Variants in WDR83 observed in about 807,000 individuals in gnomAD.
WDR83 encodes the protein WD repeat domain-containing protein 83.
Under a neutral mutation model 37.7 loss-of-function variants are expected in WDR83, and 37 were observed. The observed-to-expected ratio is 0.98, with a 90% CI of 0.76 to 1.29. The LOEUF (loss-of-function observed/expected upper bound fraction) is 1.29. WDR83 is among the 50% of genes most tolerant of loss of function. WDR83 has a pLI of 0.00. For synonymous variants in WDR83, 174 were observed against 181.1 expected, an observed-to-expected ratio of 0.96 and a Z score of 0.31; for missense variants, 445 against 414.4, an observed-to-expected ratio of 1.07 and a Z score of -0.64.
At chr19:12,674,984 C>T (rs1329357548) in intron 10 of WDR83, among the ~76,000 whole-genome samples, 3 of 151,984 alleles carry the variant, frequency 2.0e-5, no homozygotes, top group Non-Finnish European at 2.9e-5. Flanking sequence ...CATGGTAGCG[C>T]GTGCCTGTAA....
At chr19:12,671,758 C>T (rs964873280) in intron 7 of WDR83, among the ~76,000 whole-genome samples, 18 of 152,160 alleles carry the variant, frequency 1.2e-4, no homozygotes, top group African/African-American at 4.1e-4. Context: ...AGTGCAGTGA[C>T]GTGATCTCGG....
At position 12,668,592 on chromosome 19, in the gene WDR83, A is replaced by G; in HGVS notation, c.-72A>G. 1 of 1,614,100 alleles carries G rather than the reference A, an allele frequency of 6.2e-7. No individual in the cohort carries two copies. The highest frequency in any genetic ancestry group is 8.5e-7 in the Non-Finnish European group (1 of 1,180,008). ...GGCAAAGCTGATGAAGGAGCAGTAGACAGCGACCCAAGCACACCACTTCAG... is the reference window on the plus strand; with the variant it reads ...GGCAAAGCTGATGAAGGAGCAGTAGGCAGCGACCCAAGCACACCACTTCAG... On this transcript the variant is annotated 5_prime_UTR_variant, in exon 2 of 11. Transcript: ENST00000418543.
rs2024405067 is a variant in WDR83, at chr19:12,671,188, TGTG to T, written c.506+371_506+373del. ...ACTAAAAATGCAAAAATTAGCCAGG[TGTG>T]GTGACGGGAGCCTGTAATCCCAGCC... On this transcript the variant is annotated intron_variant, in intron 7 of 10. Coordinates refer to ENST00000418543, the MANE Select transcript of WDR83 (RefSeq NM_001099737.3). 5 of 201,532 alleles carry T rather than the reference TGTG, an allele frequency of 2.5e-5. No individual in the cohort carries two copies. In the South Asian group the frequency reaches 3.6e-4, roughly 15 times the overall value. 12.5% of individuals were successfully genotyped at this position (201,532 alleles called of 1,614,324 possible). A position where few individuals can be genotyped will look rare whatever the true frequency, so the allele number is the denominator to read the frequency against.
Position 12,672,928 on chromosome 19 carries a change from G to C in WDR83, c.574+14G>C. The stretch of plus-strand genomic sequence containing the variant: ...ACTACGTGGGCAGTGAGTGTGGCTG[G>C]GGATGTGGGACAGGCAGGGAAGATG... On this transcript the variant is annotated intron_variant, in intron 8 of 10. Transcript: ENST00000418543. 2 of 1,598,544 alleles carry C rather than the reference G, an allele frequency of 1.3e-6. No homozygotes were observed. The highest frequency in any genetic ancestry group is 1.7e-6 in the Non-Finnish European group (2 of 1,172,612).
chr19:12,670,408 G>A (rs1398001018), intron 5 of WDR83, 123 bp downstream of exon 5: 14 of 1,492,948 alleles, frequency 9.4e-6, no homozygotes, highest in Middle Eastern at 2.0e-4. Flanking sequence ...CCCCCACTCC[G>A]CATGCCAGGC....
intron 2 of WDR83, chr19:12,669,333 C>T: frequency 1.2e-6 from 2 of 1,605,480 alleles, no homozygotes; most frequent in South Asian, 1.1e-5. Context: ...GAACCCGTGC[C>T]CACGACGCTG....
rs2024463019 is a variant in WDR83, at chr19:12,672,873, A to G, written c.533A>G (p.Tyr178Cys). Residue 178 changes from tyrosine to cysteine, a missense_variant, in exon 8 of 11, where the codon TAT (tyrosine) becomes TGT (cysteine). By Grantham distance (194) the Tyr-to-Cys change is radical. Transcript: ENST00000418543. ...TCCGTGGATGGCCGCGTGAGACGCT[A>G]TGACCTAAGGATGGGGCAGCTCTTC... ...AGSVDGRVRR[Y>C]DLRMGQLFSD... 3 of 1,593,994 alleles carry G rather than the reference A, an allele frequency of 1.9e-6. No homozygotes were observed. The highest frequency in any genetic ancestry group is 2.6e-6 in the Non-Finnish European group (3 of 1,170,154).
intron 10 of WDR83, among the ~76,000 whole-genome samples, chr19:12,675,242 CA>C (rs1281597179): frequency 7.9e-5 from 12 of 152,194 alleles, no homozygotes; most frequent in African/African-American, 2.9e-4. Context: ...GCCTGGGCAA[CA>C]TGGTAAGACC....
rs1258937223 is a variant in WDR83 at position 12,672,916 on chromosome 19, T to G, written c.574+2T>G. On this transcript the variant is annotated splice_donor_variant, in intron 8 of 10. Coordinates refer to ENST00000418543, the MANE Select transcript of WDR83 (RefSeq NM_001099737.3). LOFTEE classifies it high-confidence loss of function. ...AGCTCTTCTCAGACTACGTGGGCAGTGAGTGTGGCTGGGGATGTGGGACAG... is the reference window on the plus strand; with the variant it reads ...AGCTCTTCTCAGACTACGTGGGCAGGGAGTGTGGCTGGGGATGTGGGACAG... The G allele has an allele frequency of 1.3e-6, 2 of 1,599,326 alleles. No individual in the cohort carries two copies. Among genetic ancestry groups the G allele is most frequent in the Middle Eastern group, 1.7e-4 (1 of 6,054 alleles).
At chr19:12,672,605 T>C (rs114270748) in intron 7 of WDR83, 7,217 of 543,278 alleles carry the variant, frequency 0.013, 417 homozygotes, top group African/African-American at 0.12. Context: ...CAAAACTCTG[T>C]CTCAAACAAA....
chr19:12,670,992 C>G, intron 7 of WDR83, 171 bp downstream of exon 7: 1 of 918,976 alleles, frequency 1.1e-6, no homozygotes, highest in Non-Finnish European at 1.6e-6. Context: ...TTCGAGGCAC[C>G]ATTGCACTCC....
chr19:12,669,543 C>G (rs1568311902), intron 2 of WDR83: 5 of 1,098,438 alleles, frequency 4.6e-6, no homozygotes, highest in Non-Finnish European at 6.6e-6. Context: ...CTCCCCTTAC[C>G]CAGAGAACGG....
intron 3 of WDR83, 31 bp from the exon 4 acceptor site, chr19:12,669,946 G>A (rs759428335): frequency 1.2e-6 from 2 of 1,602,262 alleles, no homozygotes; most frequent in African/African-American, 1.3e-5. Flanking sequence ...TGAGATCGAC[G>A]GCCCAGTAAC....
chr19:12,670,385 C>T (rs1210308922), intron 5 of WDR83, 100 bp downstream of exon 5: 1 of 1,514,212 alleles, frequency 6.6e-7, no homozygotes, highest in African/African-American at 1.4e-5. Flanking sequence ...GGATCCCTTC[C>T]CCAGATGACG....
chr19:12,669,671 T>G (rs1027193775), intron 2 of WDR83, 84 bp from the exon 3 acceptor site: 1 of 1,133,468 alleles, frequency 8.8e-7, no homozygotes, highest in African/African-American at 1.6e-5. Flanking sequence ...AACCCGGAAG[T>G]GATAAACAGG....
chr19:12,669,711 T>G (rs918182659), intron 2 of WDR83, 44 bp from the exon 3 acceptor site: 9 of 1,391,630 alleles, frequency 6.5e-6, no homozygotes, highest in African/African-American at 2.9e-5. Context: ...ATAATAAGGT[T>G]ACACCCAAGC....
rs2024370614 is a variant in WDR83 at position 12,670,192 on chromosome 19, C to G, written c.237C>G (p.Asn79Lys). Residue 79 changes from asparagine (N) to lysine (K), a missense_variant, in exon 5 of 11, where the codon AAC (asparagine) becomes AAG (lysine). Transcript: ENST00000418543. Reference protein sequence around the residue: ...EVLDAAGSFDNSSLCSGGGDK... With the variant: ...EVLDAAGSFDKSSLCSGGGDK... Reference sequence around the variant, plus strand: ...TCCTTTACTCCAGCTCCTTTGACAACAGTAGTCTCTGCTCCGGCGGCGGGG... The same window carrying G: ...TCCTTTACTCCAGCTCCTTTGACAAGAGTAGTCTCTGCTCCGGCGGCGGGG... 1 of 1,613,806 alleles carries G rather than the reference C, an allele frequency of 6.2e-7. No homozygotes were observed. The highest frequency in any genetic ancestry group is 1.3e-5 in the African/African-American group (1 of 74,922).
chr19:12,670,440 C>A, intron 5 of WDR83, 123 bp from the exon 6 acceptor site: 1 of 1,527,098 alleles, frequency 6.5e-7, no homozygotes, highest in Admixed American at 1.7e-5. Flanking sequence ...CAACCCCTGT[C>A]CTTGCTGTTC....
intron 1 of WDR83, 110 bp downstream of exon 1, chr19:12,667,102 G>A (rs1044994918): frequency 3.8e-6 from 1 of 265,538 alleles, no homozygotes; most frequent in African/African-American, 2.3e-5. Flanking sequence ...TAGGGTCCTG[G>A]AAGGACCTAG....
Sources: gnomAD v4.1 joint callset for allele counts (sites outside exome capture counted in the v4.1 genomes callset) on GRCh38, gnomAD v4.1.1 for gene constraint, MANE v1.5 for transcripts, NCBI Gene and HGNC (gene_info 2026-07-23, HGNC 2026-07-21) for gene names.